Variants in PRKAG3 observed in about 807,000 individuals in gnomAD.
The protein encoded by PRKAG3 is 5'-AMP-activated protein kinase subunit gamma-3.
Under a neutral mutation model 56.5 loss-of-function variants are expected in PRKAG3, and 39 were observed. The ratio of observed to expected loss-of-function variants is 0.69; its 90% confidence interval spans 0.53 to 0.90. The LOEUF (loss-of-function observed/expected upper bound fraction) is 0.90. PRKAG3 is among the 40% of genes least tolerant of loss of function. The pLI is 0.00. For synonymous variants in PRKAG3, 243 were observed against 250.1 expected (o/e 0.97, Z 0.27); for missense variants, 628 against 627.5 (o/e 1.00, Z -0.01).
At chr2:218,823,420 C>T (rs993139792) in exon 13 of PRKAG3, 2 of 351,530 alleles carry the variant, frequency 5.7e-6, no homozygotes, top group Non-Finnish European at 1.1e-5. Flanking sequence ...AGTCACATCG[C>T]AGCCTTAGCT....
rs1419076496 is a variant in PRKAG3 at position 218,827,028 on chromosome 2, G to T, written c.1068C>A (p.Phe356Leu). 2 of 1,613,996 alleles carry T rather than the reference G, an allele frequency of 1.2e-6. No homozygotes were observed. The highest frequency in any genetic ancestry group is 1.1e-5 in the South Asian group (1 of 91,076). The stretch of plus-strand genomic sequence containing the variant: ...TCTCCAGCACCACAGCCAAGTCTCG[G>T]AATGTGCCGATGCCCAAATCTTGGA... The change falls in exon 10 of 13, where the codon TTC becomes TTA. Residue 356 changes from phenylalanine (F) to leucine (L), a missense_variant. By Grantham distance (22) the Phe-to-Leu change is conservative. Coordinates refer to ENST00000529249, the Ensembl canonical transcript of PRKAG3. This position sits in a 1 kb window ranked among gnomAD's most constrained non-coding sequence, Gnocchi z 5.3.
chr2:218,824,606 G>T, intron 10 of PRKAG3, 30 bp from the exon 11 acceptor site: 3 of 1,587,698 alleles, frequency 1.9e-6, no homozygotes, highest in Non-Finnish European at 2.6e-6. Flanking sequence ...GGGGTGGGGG[G>T]AGAAAGACAG....
At chr2:218,825,789 G>A (rs1177302055) in intron 10 of PRKAG3, among the ~76,000 whole-genome samples, 1 of 141,918 alleles carries the variant, frequency 7.0e-6, no homozygotes, top group African/African-American at 2.6e-5. Flanking sequence ...TTGGAGTCTC[G>A]CTCTGTTGCC....
chr2:218,830,445 G>T (rs1457126151), intron 3 of PRKAG3, 64 bp from the exon 4 acceptor site: 1 of 1,543,656 alleles, frequency 6.5e-7, no homozygotes, highest in Admixed American at 1.8e-5. Context: ...CTCATCTGCT[G>T]TCGCCATTCA....
chr2:218,825,049 T>C (rs1391769565), intron 10 of PRKAG3, among the ~76,000 whole-genome samples: 2 of 152,152 alleles, frequency 1.3e-5, no homozygotes, highest in Non-Finnish European at 2.9e-5. Context: ...TGGACTTCAA[T>C]TGGATCCTGT....
At position 218,827,567 on chromosome 2, in the gene PRKAG3, A is replaced by T; in HGVS notation, c.875+8T>A. ...AGGAGGCTCAGGTGAATGAGCAGAG[A>T]CACCCACCTATCATTAGGAGAGATG... On this transcript the variant is annotated splice_region_variant and intron_variant, in intron 8 of 12. Coordinates refer to ENST00000529249, the Ensembl canonical transcript of PRKAG3. This position sits in a 1 kb window ranked among gnomAD's most constrained non-coding sequence, Gnocchi z 5.3. 6.2e-7 allele frequency: 1 copy of T among 1,613,200 alleles called. No individual in the cohort carries two copies. Among genetic ancestry groups the T allele is most frequent in the Non-Finnish European group, 8.5e-7 (1 of 1,179,222 alleles).
Position 218,827,815 on chromosome 2 carries a change from G to A in PRKAG3, c.820+18C>T, listed in dbSNP as rs1943957607. ...CACCATCACCAACAGCCCTTTCCGG[G>A]TTCCTCTCCCCACTCACCCCTCCAG... On this transcript the variant is annotated intron_variant, in intron 7 of 12. Transcript: ENST00000529249. The surrounding 1 kb of genome is among the most constrained non-coding windows in gnomAD (Gnocchi z 5.3). 3 of 1,612,914 alleles carry A rather than the reference G, an allele frequency of 1.9e-6. No individual in the cohort carries two copies. The highest frequency in any genetic ancestry group is 2.7e-5 in the African/African-American group (2 of 74,934).
chr2:218,823,064 G>C (rs1422857309), downstream of PRKAG3: 1 of 965,332 alleles, frequency 1.0e-6, no homozygotes, highest in African/African-American at 1.8e-5. Flanking sequence ...CAATTTGGGA[G>C]GGCTGAAGAA....
At chr2:218,824,466 T>G in intron 11 of PRKAG3, 73 bp downstream of exon 11, 1 of 1,608,348 alleles carries the variant, frequency 6.2e-7, no homozygotes, top group South Asian at 1.1e-5. Flanking sequence ...GTCCCCCTGG[T>G]CCACAGAGGC....
At position 218,830,828 on chromosome 2, in the gene PRKAG3, G is replaced by A. The variant is rs199688068; in HGVS notation, c.147C>T (p.Ile49=). The A allele has an allele frequency of 6.2e-4, 999 of 1,613,776 alleles. 1 individual carries two copies. Among genetic ancestry groups the A allele is most frequent in the Non-Finnish European group, 7.7e-4 (908 of 1,180,042 alleles). Residue 49 remains isoleucine (I), a synonymous_variant, in exon 3 of 13, where the codon ATC becomes ATT. Transcript: ENST00000529249. ...AGGCTTTGGCCCTCCGTTTCCCACG[G>A]ATTCTTTCTGAGCTGCTGGTCACAG...
Position 218,831,328 on chromosome 2 carries a change from CTCCCTACCT to C in PRKAG3, c.72_73+7del, listed in dbSNP as rs1314437015. ...GGTTAGGCCCCAGGGAGGGGGCATT[CTCCCTACCT>C]TGATGCTCAGAACCCCCAAGGCTGC... On this transcript the variant is annotated splice_donor_variant and splice_donor_5th_base_variant and coding_sequence_variant and intron_variant, in exon 2 of 13. Transcript: ENST00000529249. LOFTEE classifies it high-confidence loss of function. 2 of 1,589,084 alleles carry C rather than the reference CTCCCTACCT, an allele frequency of 1.3e-6. No homozygotes were observed. The highest frequency in any genetic ancestry group is 1.7e-6 in the Non-Finnish European group (2 of 1,166,390).
chr2:218,830,310 G>A lies in PRKAG3; in HGVS notation c.301C>T (p.Gln101Ter), dbSNP rs1354907336. 1 of 1,612,886 alleles carries A rather than the reference G, an allele frequency of 6.2e-7. No individual in the cohort carries two copies. ...GTGCCCACCCCGGCAGGATCAGCTT[G>A]AGCCAAGGGTGTGGTCTTGGGGAAT... Residue 101 changes from glutamine (Q) to a stop codon, truncating the protein, a stop_gained, in exon 4 of 13, where the codon CAA becomes TAA. Transcript: ENST00000529249. LOFTEE classifies it high-confidence loss of function.
chr2:218,824,867 G>C (rs73082942), intron 10 of PRKAG3, among the ~76,000 whole-genome samples: 4,342 of 152,248 alleles, frequency 0.029, 218 homozygotes, highest in African/African-American at 0.098. Context: ...CAGGAATAGA[G>C]AACAAAGTAA....
In PRKAG3 at chr2:218,823,881, G is replaced by C; in HGVS notation, c.1354-3C>G. ...TCCACTAGCACCAGCCTGTGTACCT[G>C]TGGGTCCGCAATGTTCAGTGAGGGG... On this transcript the variant is annotated splice_region_variant and splice_polypyrimidine_tract_variant and intron_variant, in intron 12 of 12. Coordinates refer to ENST00000529249, the Ensembl canonical transcript of PRKAG3. The C allele has an allele frequency of 6.2e-7, 1 of 1,613,664 alleles. No individual in the cohort carries two copies. The highest frequency in any genetic ancestry group is 1.1e-5 in the South Asian group (1 of 91,080).
chr2:218,830,628 T>G, intron 3 of PRKAG3, 118 bp downstream of exon 3: 1 of 1,329,900 alleles, frequency 7.5e-7, no homozygotes, highest in Admixed American at 2.3e-5. Context: ...GGCCACAAGA[T>G]GAAGGTTGGG....
At chr2:218,824,477 C>A in intron 11 of PRKAG3, 62 bp downstream of exon 11, 1 of 1,605,152 alleles carries the variant, frequency 6.2e-7, no homozygotes, top group Non-Finnish European at 8.5e-7. Flanking sequence ...CCACAGAGGC[C>A]CCCCACCCAT....
At chr2:218,828,583 A>G in exon 5 of PRKAG3, 1 of 1,613,616 alleles carries the variant, frequency 6.2e-7, no homozygotes, top group Non-Finnish European at 8.5e-7. Context: ...CCACCAGAGC[A>G]AAGAAGGCCT....
At chr2:218,825,875 G>T (rs1482625572) in intron 10 of PRKAG3, among the ~76,000 whole-genome samples, 3 of 151,118 alleles carry the variant, frequency 2.0e-5, no homozygotes, top group African/African-American at 7.3e-5. Context: ...TCCTACCTCA[G>T]CCTCCTAAGT....
rs756094081 is a variant in PRKAG3, at chr2:218,830,068, G to A, written c.543C>T (p.Ala181=). ...CCTGCATGAAGCGCATGTAGATCTG[G>A]GCGCCGGGTTTCCGCAGTTCGTCAT... The change falls in exon 4 of 13, where the codon GCC becomes GCT. Residue 181 remains alanine, a synonymous_variant. Coordinates refer to ENST00000529249, the Ensembl canonical transcript of PRKAG3. 2.5e-5 allele frequency: 41 copies of A among 1,613,586 alleles called. 1 individual carries two copies. The South Asian group carries it at 4.5e-4, about 18-fold the overall frequency.
Sources: allele counts gnomAD v4.1 joint callset (sites outside exome capture counted in the v4.1 genomes callset), GRCh38; gene constraint gnomAD v4.1.1; non-coding constraint Gnocchi (gnomAD v3.1); transcripts MANE v1.5; gene names NCBI Gene and HGNC (gene_info 2026-07-23, HGNC 2026-07-21).